The following CNTNAP2 variants were observed in gnomAD, a reference collection of about 807,000 sequenced individuals.
The protein encoded by CNTNAP2 is contactin associated protein 2, also known as contactin-associated protein-like 2.
Under a neutral mutation model 155.2 loss-of-function variants are expected in CNTNAP2, and 98 were observed. The ratio of observed to expected loss-of-function variants is 0.63; its 90% CI spans 0.54 to 0.75. The LOEUF (loss-of-function observed/expected upper bound fraction) is 0.75, where lower values mean the gene tolerates loss of function less well. Ranked by LOEUF, CNTNAP2 falls within the 30% of genes least tolerant of loss-of-function variation. The pLI is 0.00. For synonymous variants in CNTNAP2, 651 were observed against 631.2 expected (o/e 1.03, Z -0.47); for missense variants, 1,727 against 1,688.1 (o/e 1.02, Z -0.40).
chr7:146,283,346 GA>G (rs1414652091), intron 1 of CNTNAP2, among the ~76,000 whole-genome samples: 1 of 152,002 alleles, frequency 6.6e-6, no homozygotes, highest in Non-Finnish European at 1.5e-5. Flanking sequence ...CATCATGGGA[GA>G]AAAATGAGTG....
intron 8 of CNTNAP2, among the ~76,000 whole-genome samples, chr7:147,166,856 A>C (rs1802123703): frequency 6.6e-6 from 1 of 152,140 alleles, no homozygotes; most frequent in Non-Finnish European, 1.5e-5. Flanking sequence ...GGCCATCTGG[A>C]TGTGTACATG....
At chr7:147,065,064 T>G (rs1799752588) in intron 4 of CNTNAP2, among the ~76,000 whole-genome samples, 1 of 152,196 alleles carries the variant, frequency 6.6e-6, no homozygotes, top group Admixed American at 6.5e-5. Context: ...TAGATGAGAT[T>G]GTTTTAAATG....
chr7:147,925,321 CACACACACA>C (rs1800377797), intron 14 of CNTNAP2, among the ~76,000 whole-genome samples: 2 of 144,918 alleles, frequency 1.4e-5, no homozygotes, highest in African/African-American at 2.5e-5. Flanking sequence ...CACACACACA[CACACACACA>C]CAGCTTTCCC....
intron 1 of CNTNAP2, among the ~76,000 whole-genome samples, chr7:146,526,042 C>CT (rs1051342802): frequency 5.3e-5 from 8 of 151,640 alleles, no homozygotes; most frequent in East Asian, 1.9e-4. Context: ...TTGAGTGAAG[C>CT]TTTTTTTTCT....
chr7:147,445,484 C>A (rs1420149506), intron 10 of CNTNAP2, among the ~76,000 whole-genome samples: 5 of 152,034 alleles, frequency 3.3e-5, no homozygotes, highest in Admixed American at 1.3e-4. Flanking sequence ...TATTAGAATA[C>A]CCTGCCTCAG....
chr7:147,195,966 C>A (rs1802791489), intron 8 of CNTNAP2, among the ~76,000 whole-genome samples: 1 of 152,022 alleles, frequency 6.6e-6, no homozygotes, highest in African/African-American at 2.4e-5. Flanking sequence ...GAGATAGATT[C>A]TTTAAAGAGG....
At chr7:147,736,829 G>A (rs1297631818) in intron 13 of CNTNAP2, among the ~76,000 whole-genome samples, 1 of 152,164 alleles carries the variant, frequency 6.6e-6, no homozygotes, top group Non-Finnish European at 1.5e-5. Flanking sequence ...ACTGAAGCTT[G>A]TGCATTCGTC....
chr7:147,134,602 A>G (rs949158844), intron 8 of CNTNAP2, among the ~76,000 whole-genome samples: 2 of 151,896 alleles, frequency 1.3e-5, no homozygotes, highest in African/African-American at 4.8e-5. Flanking sequence ...AAATTCAACC[A>G]TTTAAAAAAG....
At chr7:147,778,255 A>G (rs1797616966) in intron 13 of CNTNAP2, among the ~76,000 whole-genome samples, 1 of 152,260 alleles carries the variant, frequency 6.6e-6, no homozygotes, top group Non-Finnish European at 1.5e-5. Context: ...AGACAGAGAC[A>G]CTGTAATATT....
chr7:146,722,338 C>T (rs1255921174), intron 1 of CNTNAP2, among the ~76,000 whole-genome samples: 2 of 152,074 alleles, frequency 1.3e-5, no homozygotes, highest in Admixed American at 1.3e-4. Flanking sequence ...TGGCCTAGGA[C>T]TTCCAGACAC....
At chr7:147,307,844 C>T (rs1795059547) in intron 9 of CNTNAP2, among the ~76,000 whole-genome samples, 1 of 152,142 alleles carries the variant, frequency 6.6e-6, no homozygotes, top group Admixed American at 6.5e-5. Context: ...TTATGGGCAA[C>T]TAACAAGTAG....
chr7:147,310,464 T>C (rs10236390), intron 9 of CNTNAP2, among the ~76,000 whole-genome samples: 38,479 of 152,148 alleles, frequency 0.25, 5,103 homozygotes, highest in Middle Eastern at 0.3. Context: ...ACACTAAAGA[T>C]AAGTAAATTA....
intron 8 of CNTNAP2, among the ~76,000 whole-genome samples, chr7:147,158,910 G>A (rs558027603): frequency 5.9e-5 from 9 of 152,184 alleles, no homozygotes; most frequent in African/African-American, 2.2e-4. Flanking sequence ...ACAATACAGT[G>A]TAATAAAATC....
chr7:147,686,233 C>T (rs1796016506), intron 13 of CNTNAP2, among the ~76,000 whole-genome samples: 1 of 151,778 alleles, frequency 6.6e-6, no homozygotes, highest in South Asian at 2.1e-4. Context: ...AGACATTTGG[C>T]TTTTGTATTC....
chr7:147,789,765 A>G (rs1961536), intron 13 of CNTNAP2, among the ~76,000 whole-genome samples: 12,404 of 152,202 alleles, frequency 0.081, 655 homozygotes, highest in East Asian at 0.28. Flanking sequence ...TCTGGTCTTC[A>G]TCTTTCTCCC....
At chr7:147,255,208 T>C (rs762228628) in intron 8 of CNTNAP2, among the ~76,000 whole-genome samples, 6 of 152,144 alleles carry the variant, frequency 3.9e-5, no homozygotes, top group Non-Finnish European at 7.4e-5. Flanking sequence ...AATGCTGTAT[T>C]GGTAAATATT....
chr7:148,235,662 C>T (rs1029111233), intron 20 of CNTNAP2, among the ~76,000 whole-genome samples: 3 of 151,330 alleles, frequency 2.0e-5, no homozygotes, highest in Non-Finnish European at 2.9e-5. Context: ...GGATAATGTG[C>T]TCCTTACAGC....
At chr7:146,145,561 G>T (rs1046286747) in intron 1 of CNTNAP2, among the ~76,000 whole-genome samples, 2 of 152,138 alleles carry the variant, frequency 1.3e-5, no homozygotes, top group African/African-American at 4.8e-5. Context: ...AATTGCCTGT[G>T]TGCCGGTTTC....
intron 1 of CNTNAP2, among the ~76,000 whole-genome samples, chr7:146,701,115 G>C (rs372815139): frequency 6.6e-6 from 1 of 152,084 alleles, no homozygotes; most frequent in East Asian, 1.9e-4. Context: ...TCCTTTAGTA[G>C]AAAAAATAAA....
Sources: gnomAD v4.1 joint callset for allele counts (sites outside exome capture counted in the v4.1 genomes callset) on GRCh38, gnomAD v4.1.1 for gene constraint, MANE v1.5 for transcripts, NCBI Gene and HGNC (gene_info 2026-07-23, HGNC 2026-07-21) for gene names.